The following ANKRD16 variants were observed in gnomAD, a reference collection of about 807,000 sequenced individuals.
ANKRD16 encodes ankyrin repeat domain 16, also known as ankyrin repeat domain-containing protein 16.
Under a neutral mutation model 37.9 loss-of-function variants are expected in ANKRD16, and 35 were observed. That is an observed-to-expected ratio of 0.92 (90% confidence interval 0.71 to 1.23). The LOEUF (loss-of-function observed/expected upper bound fraction) is 1.23, where lower values mean the gene tolerates loss of function less well. Ranked by LOEUF, ANKRD16 falls within the 50% of genes most tolerant of loss-of-function variation. The probability of loss-of-function intolerance (pLI) is 0.00; values close to 1 mark genes in which losing one functional copy is unlikely to be tolerated. For synonymous variants in ANKRD16, 206 were observed against 197.2 expected, an observed-to-expected ratio of 1.04 and a Z score of -0.37; for missense variants, 480 against 469.9, an observed-to-expected ratio of 1.02 and a Z score of -0.20.
rs548724768 is a variant in ANKRD16, at chr10:5,887,937, C to G, written c.445G>C (p.Asp149His). The G allele has an allele frequency of 3.7e-6, 6 of 1,614,156 alleles. No individual in the cohort carries two copies. In the African/African-American group the frequency reaches 4.0e-5, roughly 11 times the overall value. The change falls in exon 2 of 8, where the codon GAC becomes CAC. Residue 149 changes from aspartate (D) to histidine (H), a missense_variant. Physicochemically the swap from Asp to His is moderately conservative, Grantham distance 81. Coordinates refer to ENST00000380094, the MANE Select transcript of ANKRD16 (RefSeq NM_019046.3). Reference sequence around the variant, plus strand: ...AGCAGGTACTGGAGGATCAGAGGGTCGCCTTCTCGACTGGCAATGTGGAAA... The same window carrying G: ...AGCAGGTACTGGAGGATCAGAGGGTGGCCTTCTCGACTGGCAATGTGGAAA... ...NSFHIASREG[D>H]PLILQYLLTV...
Position 5,862,002 on chromosome 10 carries a change from C to T in ANKRD16, c.*723G>A, listed in dbSNP as rs766851369. ...CTGCAAGCTCTGCCTCCAGGGTTCA[C>T]AGCATTCTCCTGCCTCAGCCTCCTG... On this transcript the variant is annotated 3_prime_UTR_variant, in exon 8 of 8. Coordinates refer to ENST00000380094, the MANE Select transcript of ANKRD16 (RefSeq NM_019046.3). The surrounding 1 kb of genome is among the most constrained non-coding windows in gnomAD (Gnocchi z 6.5). 5.8e-5 allele frequency: 9 copies of T among 155,310 alleles called. No homozygotes were observed. The highest frequency in any genetic ancestry group is 1.2e-4 in the African/African-American group (5 of 40,824). The allele number at this position is 155,310 out of a possible 1,614,324, so 9.6% of individuals were successfully genotyped here.
chr10:5,876,929 C>T (rs1842194995), intron 7 of ANKRD16, among the ~76,000 whole-genome samples: 1 of 152,126 alleles, frequency 6.6e-6, no homozygotes, highest in Non-Finnish European at 1.5e-5. Context: ...GAGGACTCAT[C>T]CTATCTTTAC....
intron 1 of ANKRD16, among the ~76,000 whole-genome samples, chr10:5,888,363 A>C (rs2131785750): frequency 6.6e-6 from 1 of 152,364 alleles, no homozygotes; most frequent in Non-Finnish European, 1.5e-5. Flanking sequence ...AGCAGAGCTA[A>C]GAAAACCCAC....
At position 5,863,869 on chromosome 10, in the gene ANKRD16, G is replaced by A. The variant is rs894243552; in HGVS notation, c.*34-1178C>T. ...TGTTGAAGTCAGTGAGACCAAGAAC[G>A]CACCAGAAGGAATAAAGTCCGGATA... On this transcript the variant is annotated intron_variant, in intron 7 of 7. Coordinates refer to ENST00000380094, the MANE Select transcript of ANKRD16 (RefSeq NM_019046.3). The surrounding 1 kb of genome is among the most constrained non-coding windows in gnomAD (Gnocchi z 4.7). Among the ~76,000 whole-genome samples the A allele has an allele frequency of 3.3e-5, 5 of 152,104 alleles. No individual in the cohort carries two copies. Among genetic ancestry groups the A allele is most frequent in the South Asian group, 2.1e-4 (1 of 4,836 alleles).
intron 3 of ANKRD16, among the ~76,000 whole-genome samples, chr10:5,885,175 T>A (rs1335431269): frequency 6.6e-6 from 1 of 152,080 alleles, no homozygotes; most frequent in Non-Finnish European, 1.5e-5. Context: ...CAGGGCTTTA[T>A]TTATTTTTTA....
At chr10:5,872,665 T>C (rs1037642990) in intron 7 of ANKRD16, among the ~76,000 whole-genome samples, 1 of 151,072 alleles carries the variant, frequency 6.6e-6, no homozygotes, top group African/African-American at 2.4e-5. Context: ...CACGCCATAC[T>C]CCTGCCTCAG....
At chr10:5,876,831 A>C (rs1416690796) in intron 7 of ANKRD16, among the ~76,000 whole-genome samples, 1 of 152,186 alleles carries the variant, frequency 6.6e-6, no homozygotes, top group Non-Finnish European at 1.5e-5. Context: ...GATCTAGACT[A>C]ATAATTATTC....
Position 5,885,847 on chromosome 10 carries a change from C to T in ANKRD16, c.536-82G>A, listed in dbSNP as rs1172278497. The T allele has an allele frequency of 2.8e-6, 4 of 1,412,294 alleles. No individual in the cohort carries two copies. In the South Asian group the frequency reaches 5.3e-5, roughly 19 times the overall value. The allele number at this position is 1,412,294 out of a possible 1,614,324, so 87.5% of individuals were successfully genotyped here. On this transcript the variant is annotated intron_variant, in intron 2 of 7. Coordinates refer to ENST00000380094, the MANE Select transcript of ANKRD16 (RefSeq NM_019046.3). ...TCCTGCCTCCTGGCTTTGCTCTCTG[C>T]CCCGTTCTATTAGTGATAGCTTACA...
chr10:5,867,918 AAGG>A (rs1186571890), intron 7 of ANKRD16, among the ~76,000 whole-genome samples: 1 of 152,244 alleles, frequency 6.6e-6, no homozygotes, highest in Non-Finnish European at 1.5e-5. Flanking sequence ...ACTGCTGAGA[AAGG>A]AGGACTTTGC....
At chr10:5,875,987 G>T (rs1274527110) in intron 7 of ANKRD16, among the ~76,000 whole-genome samples, 1 of 152,142 alleles carries the variant, frequency 6.6e-6, no homozygotes, top group Non-Finnish European at 1.5e-5. Context: ...GAGTTAAAGC[G>T]ATTCTCCTGC....
At position 5,874,613 on chromosome 10, in the gene ANKRD16, T is replaced by A. The variant is rs1275341503; in HGVS notation, c.*33+3484A>T. ...TTTCCAACACAGGTTGGGTGAGCTG[T>A]GATGCCACCAACCAAGGCAGGAATG... On this transcript the variant is annotated intron_variant, in intron 7 of 7. Transcript: ENST00000380094. The surrounding 1 kb of genome is among the most constrained non-coding windows in gnomAD (Gnocchi z 4.7). Among the ~76,000 whole-genome samples, 1 of 152,006 alleles carries A rather than the reference T, an allele frequency of 6.6e-6. No individual in the cohort carries two copies. Among genetic ancestry groups the A allele is most frequent in the African/African-American group, 2.4e-5 (1 of 41,388 alleles).
At position 5,862,738 on chromosome 10, in the gene ANKRD16, A is replaced by C; in HGVS notation, c.*34-47T>G. 8.0e-7 allele frequency: 1 copy of C among 1,250,316 alleles called. No individual in the cohort carries two copies. Among genetic ancestry groups the C allele is most frequent in the Non-Finnish European group, 1.0e-6 (1 of 953,348 alleles). The allele number at this position is 1,250,316 out of a possible 1,614,324, so 77.5% of individuals were successfully genotyped here. On this transcript the variant is annotated intron_variant, in intron 7 of 7. Coordinates refer to ENST00000380094, the MANE Select transcript of ANKRD16 (RefSeq NM_019046.3). The surrounding 1 kb of genome is among the most constrained non-coding windows in gnomAD (Gnocchi z 6.5). ...CATCTCAGTTTACAGATGAAACAGA[A>C]GCTCAGAGAGGGCAAGCAGCTAGCA...
chr10:5,863,778 GAACA>G lies in ANKRD16; in HGVS notation c.*34-1091_*34-1088del, dbSNP rs1841974794. 6.6e-6 allele frequency among the ~76,000 whole-genome samples: 1 copy of G among 152,142 alleles called. No homozygotes were observed. Among genetic ancestry groups the G allele is most frequent in the African/African-American group, 2.4e-5 (1 of 41,400 alleles). ...AGCAAGACCACAAACCCACTGGGAAGAACAAACAACTCTGGATGCACCATCTTTA... is the reference window on the plus strand; with the variant it reads ...AGCAAGACCACAAACCCACTGGGAAGAACAACTCTGGATGCACCATCTTTA... On this transcript the variant is annotated intron_variant, in intron 7 of 7. Coordinates refer to ENST00000380094, the MANE Select transcript of ANKRD16 (RefSeq NM_019046.3). This position sits in a 1 kb window ranked among gnomAD's most constrained non-coding sequence, Gnocchi z 4.7.
chr10:5,887,586 G>T (rs1235724282), intron 2 of ANKRD16, among the ~76,000 whole-genome samples: 1 of 152,174 alleles, frequency 6.6e-6, no homozygotes, highest in Non-Finnish European at 1.5e-5. Context: ...GTTTCACCAT[G>T]TTGGCCAGGC....
At chr10:5,867,434 G>A (rs1842032261) in intron 7 of ANKRD16, among the ~76,000 whole-genome samples, 2 of 152,300 alleles carry the variant, frequency 1.3e-5, no homozygotes, top group Middle Eastern at 3.4e-3. Context: ...CGAGCTATTG[G>A]CACTCAGCCA....
At position 5,874,808 on chromosome 10, in the gene ANKRD16, C is replaced by T. The variant is rs1512694; in HGVS notation, c.*33+3289G>A. 0.43 allele frequency among the ~76,000 whole-genome samples: 64,791 copies of T among 151,918 alleles called. 14,317 individuals carry two copies. The highest frequency in any genetic ancestry group is 0.5 in the Middle Eastern group (146 of 294). On this transcript the variant is annotated intron_variant, in intron 7 of 7. Coordinates refer to ENST00000380094, the MANE Select transcript of ANKRD16 (RefSeq NM_019046.3). This position sits in a 1 kb window ranked among gnomAD's most constrained non-coding sequence, Gnocchi z 4.7. The stretch of plus-strand genomic sequence containing the variant: ...GTGTAGCTGAAACCCGAGGCATGGA[C>T]GACAACGCTTCAGGAGAAAATCCAG...
Position 5,889,218 on chromosome 10 carries a change from C to T in ANKRD16, c.137G>A (p.Arg46His). ...GGCCAGCACGTCCCGATGCCCGTGGCGCGCGGCGCAGTGCAGGAGGGTATC... is the reference window on the plus strand; with the variant it reads ...GGCCAGCACGTCCCGATGCCCGTGGTGCGCGGCGCAGTGCAGGAGGGTATC... ...AGDTLLHCAA[R>H]HGHRDVLAYL... The change falls in exon 1 of 8, where the codon CGC becomes CAC. Residue 46 changes from arginine to histidine, a missense_variant. Coordinates refer to ENST00000380094, the MANE Select transcript of ANKRD16 (RefSeq NM_019046.3). The T allele has an allele frequency of 2.5e-6, 4 of 1,593,852 alleles. No individual in the cohort carries two copies. The highest frequency in any genetic ancestry group is 2.5e-6 in the Non-Finnish European group (3 of 1,177,822).
chr10:5,869,078 T>C lies in ANKRD16; in HGVS notation c.*34-6387A>G, dbSNP rs1842054301. ...TTAAAACATTGAGATGTTTTGCGATTTTTTTTTTTAAAGCTCATCAGCTAT... is the reference window on the plus strand; with the variant it reads ...TTAAAACATTGAGATGTTTTGCGATCTTTTTTTTTAAAGCTCATCAGCTAT... On this transcript the variant is annotated intron_variant, in intron 7 of 7. Coordinates refer to ENST00000380094, the MANE Select transcript of ANKRD16 (RefSeq NM_019046.3). This position sits in a 1 kb window ranked among gnomAD's most constrained non-coding sequence, Gnocchi z 4.0. Among the ~76,000 whole-genome samples, 1 of 150,610 alleles carries C rather than the reference T, an allele frequency of 6.6e-6. No homozygotes were observed. Among genetic ancestry groups the C allele is most frequent in the Non-Finnish European group, 1.5e-5 (1 of 67,272 alleles).
rs1490554292 is a variant in ANKRD16, at chr10:5,883,185, G to C, written c.688-18C>G. On this transcript the variant is annotated intron_variant, in intron 4 of 7. Transcript: ENST00000380094. ...AGGCAAGCCTAGTGGGCAGAGGAGAGAAAGGAGCAAAGGTCAAAGATAAGA... is the reference window on the plus strand; with the variant it reads ...AGGCAAGCCTAGTGGGCAGAGGAGACAAAGGAGCAAAGGTCAAAGATAAGA... The C allele has an allele frequency of 6.2e-7, 1 of 1,610,544 alleles. No homozygotes were observed. The highest frequency in any genetic ancestry group is 1.3e-5 in the African/African-American group (1 of 74,936).
Sources: allele counts gnomAD v4.1 joint callset (sites outside exome capture counted in the v4.1 genomes callset), GRCh38; gene constraint gnomAD v4.1.1; non-coding constraint Gnocchi (gnomAD v3.1); transcripts MANE v1.5; gene names NCBI Gene and HGNC (gene_info 2026-07-23, HGNC 2026-07-21).